Variants in TUB observed in about 807,000 individuals in gnomAD.
The protein encoded by TUB is TUB bipartite transcription factor, also known as tubby protein homolog.
In TUB, 33 loss-of-function variants were observed where a neutral mutation model predicts 59.7. The observed-to-expected ratio is 0.55, with a 90% CI of 0.42 to 0.74. TUB has a LOEUF of 0.74. Among genes scored for constraint, TUB ranks in the 30% least tolerant of loss-of-function variants. The pLI is 0.00. For missense variants in TUB, 659 were observed against 672.0 expected (o/e 0.98, Z 0.21); for synonymous variants, 293 against 256.4 (o/e 1.14, Z -1.36).
At chr11:8,085,548 G>T (rs900145277) in intron 1 of TUB, among the ~76,000 whole-genome samples, 4 of 152,216 alleles carry the variant, frequency 2.6e-5, no homozygotes, top group Non-Finnish European at 5.9e-5. Context: ...AGGGGCACAG[G>T]GTTGCAGCCA....
At chr11:8,068,117 G>A (rs1394852109) in intron 2 of TUB, 1 of 152,232 alleles carries the variant, frequency 6.6e-6, no homozygotes, top group Non-Finnish European at 1.5e-5. Context: ...TTGCAGATAA[G>A]AAAACCGAGG....
intron 1 of TUB, among the ~76,000 whole-genome samples, chr11:8,027,045 A>C (rs934053873): frequency 3.9e-5 from 6 of 152,352 alleles, no homozygotes; most frequent in African/African-American, 1.2e-4. Flanking sequence ...AAGGGTTTAT[A>C]AAATTCAGTT....
At chr11:8,030,733 G>A (rs917818209) in intron 1 of TUB, among the ~76,000 whole-genome samples, 12 of 152,162 alleles carry the variant, frequency 7.9e-5, no homozygotes, top group African/African-American at 2.9e-4. Context: ...TGAGGTCCGG[G>A]GGAAGCGGTC....
intron 9 of TUB, among the ~76,000 whole-genome samples, chr11:8,099,656 T>C (rs760530085): frequency 3.3e-5 from 5 of 152,164 alleles, no homozygotes; most frequent in Admixed American, 6.5e-5. Context: ...ATGAAACAGA[T>C]CTATCAGTGA....
intron 2 of TUB, among the ~76,000 whole-genome samples, chr11:8,074,812 T>G (rs900493281): frequency 4.9e-5 from 7 of 143,890 alleles, no homozygotes; most frequent in Admixed American, 2.1e-4. Context: ...AGTGGCACAA[T>G]CTTGGCTCAC....
In TUB at chr11:8,019,483, C is replaced by G. The variant is rs1042973283; in HGVS notation, c.56+125C>G. ...GACCCCCAGGGTGGGCTTGGGCACC[C>G]GGACCCTCGGGCATCCGGGACCCAG... is the stretch of plus-strand genomic sequence containing the variant. On this transcript the variant is annotated intron_variant, in intron 1 of 11. Transcript: ENST00000534099. 611 of 993,514 alleles carry G rather than the reference C, an allele frequency of 6.1e-4. 4 individuals are homozygous for G. The highest frequency in any genetic ancestry group is 1.1e-4 in the Non-Finnish European group (88 of 774,938). 61.5% of individuals were successfully genotyped at this position (993,514 alleles called of 1,614,324 possible).
chr11:8,090,053 C>T lies in TUB; in HGVS notation c.91-16C>T. ...TGGTGGAGGCAGTGGGTCAGCCAAC[C>T]TCTGTGCCTCCATAGCGGGCCCTGC... is the stretch of plus-strand genomic sequence containing the variant. On this transcript the variant is annotated splice_polypyrimidine_tract_variant and intron_variant, in intron 2 of 11. Coordinates refer to ENST00000299506, the MANE Select transcript of TUB (RefSeq NM_177972.3). 14 of 1,584,520 alleles carry T rather than the reference C, an allele frequency of 8.8e-6. No homozygotes were observed. The highest frequency in any genetic ancestry group is 1.1e-5 in the Non-Finnish European group (13 of 1,165,316).
chr11:8,078,294 A>T (rs985040962), upstream of TUB, among the ~76,000 whole-genome samples: 1 of 152,062 alleles, frequency 6.6e-6, no homozygotes, highest in Non-Finnish European at 1.5e-5. Flanking sequence ...ATTCATAGCA[A>T]ATATCTTACC....
At position 8,099,607 on chromosome 11, in the gene TUB, C is replaced by T. The variant is rs1388520175; in HGVS notation, c.1116+732C>T. On this transcript the variant is annotated intron_variant, in intron 9 of 11. Coordinates refer to ENST00000299506, the MANE Select transcript of TUB (RefSeq NM_177972.3). ...AGTAATGAACAGACATAAATGTATA[C>T]CTTTATGGGACTTAAAGCCCTAGCA... Among the ~76,000 whole-genome samples, 3 of 152,142 alleles carry T rather than the reference C, an allele frequency of 2.0e-5. No individual in the cohort carries two copies. In the East Asian group the frequency reaches 5.8e-4, roughly 29 times the overall value.
chr11:8,053,743 C>T (rs1055967710), intron 2 of TUB, among the ~76,000 whole-genome samples: 23 of 149,884 alleles, frequency 1.5e-4, no homozygotes, highest in Non-Finnish European at 3.0e-4. Flanking sequence ...CCTCGCGATC[C>T]GCCTGCCTTG....
chr11:8,098,776 C>G lies in TUB; in HGVS notation c.1017C>G (p.Thr339=). The G allele has an allele frequency of 6.2e-7, 1 of 1,614,008 alleles. No individual in the cohort carries two copies. The highest frequency in any genetic ancestry group is 8.5e-7 in the Non-Finnish European group (1 of 1,179,962). The change falls in exon 9 of 12, where the codon ACC becomes ACG. Residue 339 remains threonine, a synonymous_variant. Transcript: ENST00000299506. ...ATTTCAGGTCCAACTTGATGGGCAC[C>G]AAGTTCACTGTTTATGACAATGGAG... ...IGKLRSNLMG[T]KFTVYDNGVN... is the part of the protein sequence containing the mutation.
chr11:8,101,044 G>A, intron 11 of TUB, 47 bp downstream of exon 11: 4 of 1,608,972 alleles, frequency 2.5e-6, no homozygotes, highest in Non-Finnish European at 3.4e-6. Flanking sequence ...GATACCCAAG[G>A]CCCTTAGCGT....
intron 2 of TUB, among the ~76,000 whole-genome samples, chr11:8,054,456 G>C (rs1407689215): frequency 1.3e-5 from 2 of 152,168 alleles, no homozygotes; most frequent in Non-Finnish European, 2.9e-5. Context: ...GAGAGAGAGA[G>C]AGAGAGAGAG....
chr11:8,024,578 C>T (rs896498852), intron 1 of TUB, among the ~76,000 whole-genome samples: 6 of 152,188 alleles, frequency 3.9e-5, no homozygotes, highest in Non-Finnish European at 7.3e-5. Context: ...TTCATTTCCA[C>T]TCTACTTCAA....
intron 2 of TUB, among the ~76,000 whole-genome samples, chr11:8,066,966 C>G (rs1366585898): frequency 1.3e-5 from 2 of 152,204 alleles, no homozygotes; most frequent in African/African-American, 2.4e-5. Flanking sequence ...TTCACACACA[C>G]AGCCATCACC....
intron 2 of TUB, among the ~76,000 whole-genome samples, chr11:8,053,621 C>G (rs145820640): frequency 0.025 from 3,721 of 151,046 alleles, 71 homozygotes; most frequent in Middle Eastern, 0.038. Context: ...CTGCCTCAGT[C>G]TCCGGAGTAG....
At chr11:8,026,940 C>G (rs377108075) in intron 1 of TUB, among the ~76,000 whole-genome samples, 15 of 152,200 alleles carry the variant, frequency 9.9e-5, no homozygotes, top group African/African-American at 3.6e-4. Flanking sequence ...ATCTTAATTT[C>G]TCTCAGTCAT....
chr11:8,044,575 CA>C (rs1942800060), intron 2 of TUB, among the ~76,000 whole-genome samples: 1 of 152,150 alleles, frequency 6.6e-6, no homozygotes, highest in South Asian at 2.1e-4. Context: ...CTTTCCACAC[CA>C]ACAACCAATT....
At chr11:8,056,520 G>T (rs1475785004) in intron 2 of TUB, among the ~76,000 whole-genome samples, 1 of 152,126 alleles carries the variant, frequency 6.6e-6, no homozygotes, top group Non-Finnish European at 1.5e-5. Context: ...GCAGGGTGAG[G>T]CATCCATTTC....
Sources: gnomAD v4.1 joint callset for allele counts (sites outside exome capture counted in the v4.1 genomes callset) on GRCh38, gnomAD v4.1.1 for gene constraint, MANE v1.5 for transcripts, NCBI Gene and HGNC (gene_info 2026-07-23, HGNC 2026-07-21) for gene names.